The following MAG variants were observed in gnomAD, a reference collection of about 807,000 sequenced individuals.
The protein encoded by MAG is myelin associated glycoprotein.
Under a neutral mutation model 60.7 loss-of-function variants are expected in MAG, and 30 were observed. The ratio of observed to expected loss-of-function variants is 0.49; its 90% CI spans 0.37 to 0.67. The LOEUF (loss-of-function observed/expected upper bound fraction) is 0.67, where lower values mean the gene tolerates loss of function less well. MAG is among the 30% of genes least tolerant of loss of function. The pLI, the probability that MAG is intolerant of heterozygous loss-of-function variation, is 0.00. For synonymous variants in MAG, 384 were observed against 376.8 expected, an observed-to-expected ratio of 1.02 and a Z score of -0.22; for missense variants, 795 against 851.7, an observed-to-expected ratio of 0.93 and a Z score of 0.83.
In MAG at chr19:35,299,829, T is replaced by C. The variant is rs776739339; in HGVS notation, c.691T>C (p.Tyr231His). 1.6e-5 allele frequency: 24 copies of C among 1,477,232 alleles called. No individual in the cohort carries two copies. The highest frequency in any genetic ancestry group is 1.9e-5 in the Non-Finnish European group (21 of 1,110,240). The allele number at this position is 1,477,232 out of a possible 1,614,324, so 91.5% of individuals were successfully genotyped here. A position where few individuals can be genotyped will look rare whatever the true frequency, so the allele number is the denominator to read the frequency against. ...FPNTTLQFEG[Y>H]ASMDVKYPPV... ...CAACACCACCCTGCAGTTCGAGGGC[T>C]ACGCCAGCATGGACGTCAAGTGTGA... The change falls in exon 5 of 11, where the codon TAC becomes CAC. Residue 231 changes from tyrosine to histidine, a missense_variant. Coordinates refer to ENST00000392213, the MANE Select transcript of MAG (RefSeq NM_002361.4).
At position 35,295,777 on chromosome 19, in the gene MAG, C is replaced by G. The variant is rs1344504954; in HGVS notation, c.211C>G (p.Pro71Ala). The G allele has an allele frequency of 6.2e-7, 1 of 1,613,900 alleles. No homozygotes were observed. The highest frequency in any genetic ancestry group is 2.2e-5 in the East Asian group (1 of 44,902). Reference sequence around the variant, plus strand: ...TAGCCCCTACCCCAAGAACTACCCCCCGGTGGTCTTCAAGTCGCGCACCCA... The same window carrying G: ...TAGCCCCTACCCCAAGAACTACCCCGCGGTGGTCTTCAAGTCGCGCACCCA... ...FNSPYPKNYPPVVFKSRTQVV... is the reference protein window; with the variant it reads ...FNSPYPKNYPAVVFKSRTQVV... Residue 71 changes from proline to alanine, a missense_variant, in exon 4 of 11, where the codon CCG (proline) becomes GCG (alanine). Coordinates refer to ENST00000392213, the MANE Select transcript of MAG (RefSeq NM_002361.4). This position sits in a 1 kb window ranked among gnomAD's most constrained non-coding sequence, Gnocchi z 5.8.
chr19:35,299,099 G>A (rs1030902225), intron 4 of MAG, among the ~76,000 whole-genome samples: 1 of 152,036 alleles, frequency 6.6e-6, no homozygotes, highest in African/African-American at 2.4e-5. Context: ...GCCCGGCGGA[G>A]GGTAAACCAA....
chr19:35,311,032 CA>C (rs55833138), intron 9 of MAG, among the ~76,000 whole-genome samples: 108,972 of 150,884 alleles, frequency 0.72, 40,445 homozygotes, highest in African/African-American at 0.92. Flanking sequence ...ACATCTGGGG[CA>C]AAAAAAAAAT....
intron 8 of MAG, 63 bp from the exon 9 acceptor site, chr19:35,310,484 G>T: frequency 7.1e-7 from 1 of 1,405,648 alleles, no homozygotes. Flanking sequence ...TGTCTCCAAA[G>T]TTCTCAGGTG....
intron 4 of MAG, 49 bp downstream of exon 4, chr19:35,296,030 G>A (rs781052558): frequency 3.3e-6 from 5 of 1,523,152 alleles, no homozygotes; most frequent in Middle Eastern, 1.8e-4. Flanking sequence ...GCAGCGGGGC[G>A]GGAAGGAGTG....
chr19:35,303,746 G>A (rs1312399975), intron 7 of MAG, among the ~76,000 whole-genome samples: 9 of 152,092 alleles, frequency 5.9e-5, no homozygotes, highest in South Asian at 2.1e-4. Context: ...CCATTGCACC[G>A]CTGGCCAGCG....
At chr19:35,313,193 A>G in intron 10 of MAG, 97 bp from the exon 11 acceptor site, 1 of 1,334,936 alleles carries the variant, frequency 7.5e-7, no homozygotes, top group Non-Finnish European at 1.0e-6. Flanking sequence ...TTTATTTGGG[A>G]CTGAACTCAG....
At chr19:35,311,476 AACAG>A (rs140512779) in intron 9 of MAG, among the ~76,000 whole-genome samples, 5,179 of 151,678 alleles carry the variant, frequency 0.034, 117 homozygotes, top group Non-Finnish European at 0.05. Flanking sequence ...AAAACAAACA[AACAG>A]ACAGACAGAC....
chr19:35,295,237 A>C lies in MAG; in HGVS notation c.-23-149A>C. 4.2e-6 allele frequency: 3 copies of C among 721,260 alleles called. No homozygotes were observed. The highest frequency in any genetic ancestry group is 7.0e-6 in the Non-Finnish European group (3 of 428,712). The allele number at this position is 721,260 out of a possible 1,614,324, so 44.7% of individuals were successfully genotyped here. A position where few individuals can be genotyped will look rare whatever the true frequency, so the allele number is the denominator to read the frequency against. ...ATTCCAGCCCGGGCAATGAAACAAG[A>C]CCCTGTCTCAGAAAAATAAGTAAAT... On this transcript the variant is annotated intron_variant, in intron 2 of 10. Coordinates refer to ENST00000392213, the MANE Select transcript of MAG (RefSeq NM_002361.4). The surrounding 1 kb of genome is among the most constrained non-coding windows in gnomAD (Gnocchi z 5.8).
chr19:35,295,658 C>T lies in MAG; in HGVS notation c.92C>T (p.Ser31Leu), dbSNP rs765244771. ...HWGAWMPSSI[S>L]AFEGTCVSIP... ...GGTGCCTGGATGCCCTCGTCCATCT[C>T]GGCCTTCGAAGGCACGTGCGTCTCC... Residue 31 changes from serine (S) to leucine (L), a missense_variant, in exon 4 of 11, where the codon TCG (serine) becomes TTG (leucine). Transcript: ENST00000392213. The surrounding 1 kb of genome is among the most constrained non-coding windows in gnomAD (Gnocchi z 5.8). 20 of 1,611,208 alleles carry T rather than the reference C, an allele frequency of 1.2e-5. No homozygotes were observed. In the East Asian group the frequency reaches 1.8e-4, roughly 14 times the overall value.
chr19:35,309,064 T>C (rs916457468), intron 7 of MAG, among the ~76,000 whole-genome samples: 2 of 152,208 alleles, frequency 1.3e-5, no homozygotes, highest in African/African-American at 4.8e-5. Context: ...ATCTGATTTA[T>C]GTATTACAAG....
In MAG at chr19:35,313,360, G is replaced by T; in HGVS notation, c.1787G>T (p.Ser596Ile). 7.4e-6 allele frequency: 12 copies of T among 1,614,204 alleles called. No homozygotes were observed. Among genetic ancestry groups the T allele is most frequent in the Non-Finnish European group, 1.0e-5 (12 of 1,180,022 alleles). ...GGTGAGCCCCCAGAGCTGGACCTGA[G>T]CTATTCTCACTCGGACCTGGGGAAA... ...LRGEPPELDL[S>I]YSHSDLGKRP... is the part of the protein sequence containing the mutation. The change falls in exon 11 of 11, where the codon AGC (serine) becomes ATC (isoleucine). Residue 596 changes from serine (S) to isoleucine (I), a missense_variant. By Grantham distance (142) the Ser-to-Ile change is moderately radical. Transcript: ENST00000392213.
At position 35,295,341 on chromosome 19, in the gene MAG, C is replaced by G. The variant is rs781323345; in HGVS notation, c.-23-45C>G. ...TTCCTGAAGCCCAGATGGAACACCC[C>G]CTTTCACTTCCCCCAGCCTTTAACC... On this transcript the variant is annotated intron_variant, in intron 2 of 10. Transcript: ENST00000392213. This position sits in a 1 kb window ranked among gnomAD's most constrained non-coding sequence, Gnocchi z 5.8. 2 of 1,556,254 alleles carry G rather than the reference C, an allele frequency of 1.3e-6. No individual in the cohort carries two copies. The highest frequency in any genetic ancestry group is 2.3e-5 in the East Asian group (1 of 44,444).
rs780660604 is a variant in MAG, at chr19:35,310,071, C to A, written c.1429C>A (p.Arg477=). 1 of 1,613,356 alleles carries A rather than the reference C, an allele frequency of 6.2e-7. No individual in the cohort carries two copies. The highest frequency in any genetic ancestry group is 8.5e-7 in the Non-Finnish European group (1 of 1,179,848). ...CGTGCTCACCAGCATCCTCACGCTG[C>A]GGGGGCAGGCCCAGGCCCCGCCCCG... ...GLVLTSILTL[R]GQAQAPPRVI... is the part of the protein sequence containing the mutation. The change falls in exon 8 of 11, where the codon CGG becomes AGG. Residue 477 remains arginine, a synonymous_variant. Coordinates refer to ENST00000392213, the MANE Select transcript of MAG (RefSeq NM_002361.4).
In MAG at chr19:35,306,412, G is replaced by A. The variant is rs985939212; in HGVS notation, c.1232-3462G>A. Among the ~76,000 whole-genome samples, 30 of 152,112 alleles carry A rather than the reference G, an allele frequency of 2.0e-4. 1 individual carries two copies. The highest frequency in any genetic ancestry group is 7.2e-4 in the African/African-American group (30 of 41,486). On this transcript the variant is annotated intron_variant, in intron 7 of 10. Coordinates refer to ENST00000392213, the MANE Select transcript of MAG (RefSeq NM_002361.4). ...TCTGTCTATCCACCCATGAGTACTTGGGTGGGATGTTACGTATTTTTAATT... is the reference window on the plus strand; with the variant it reads ...TCTGTCTATCCACCCATGAGTACTTAGGTGGGATGTTACGTATTTTTAATT...
intron 7 of MAG, among the ~76,000 whole-genome samples, chr19:35,303,248 A>G (rs538789983): frequency 1.6e-3 from 246 of 152,206 alleles, no homozygotes; most frequent in Non-Finnish European, 1.7e-3. Flanking sequence ...GACCAGTGAA[A>G]TTTCTGGATC....
At position 35,295,729 on chromosome 19, in the gene MAG, G is replaced by A. The variant is rs201620798; in HGVS notation, c.163G>A (p.Val55Met). Reference sequence around the variant, plus strand: ...CCCGGATGAGCTGCGGCCCGCTGTGGTGCATGGTGTCTGGTACTTCAATAG... The same window carrying A: ...CCCGGATGAGCTGCGGCCCGCTGTGATGCATGGTGTCTGGTACTTCAATAG... ...DFPDELRPAV[V>M]HGVWYFNSPY... is the part of the protein sequence containing the mutation. The change falls in exon 4 of 11, where the codon GTG becomes ATG. Residue 55 changes from valine (V) to methionine (M), a missense_variant. Val to Met is a conservative substitution (Grantham distance 21). Coordinates refer to ENST00000392213, the MANE Select transcript of MAG (RefSeq NM_002361.4). This position sits in a 1 kb window ranked among gnomAD's most constrained non-coding sequence, Gnocchi z 5.8. 1.2e-6 allele frequency: 2 copies of A among 1,613,866 alleles called. No individual in the cohort carries two copies. The highest frequency in any genetic ancestry group is 2.2e-5 in the South Asian group (2 of 91,078).
At chr19:35,303,297 C>T (rs1016992009) in intron 7 of MAG, among the ~76,000 whole-genome samples, 12 of 152,198 alleles carry the variant, frequency 7.9e-5, no homozygotes, top group Admixed American at 6.5e-4. Context: ...GAAACAATGA[C>T]CATGATCTCT....
intron 4 of MAG, among the ~76,000 whole-genome samples, chr19:35,297,931 G>A (rs2066414106): frequency 8.5e-6 from 1 of 117,170 alleles, no homozygotes; most frequent in Admixed American, 8.9e-5. Flanking sequence ...ATCACACACT[G>A]CACATGCTAC....
Sources: allele counts gnomAD v4.1 joint callset (sites outside exome capture counted in the v4.1 genomes callset), GRCh38; gene constraint gnomAD v4.1.1; non-coding constraint Gnocchi (gnomAD v3.1); transcripts MANE v1.5; gene names NCBI Gene and HGNC (gene_info 2026-07-23, HGNC 2026-07-21).